The following SFI1 variants were observed in gnomAD, a reference collection of about 807,000 sequenced individuals.
The protein encoded by SFI1 is SFI1 centrin binding protein.
Under a neutral mutation model 207.5 loss-of-function variants are expected in SFI1, and 195 were observed. The observed-to-expected ratio is 0.94, with a 90% CI of 0.84 to 1.06. The LOEUF (loss-of-function observed/expected upper bound fraction) is 1.06. Among genes scored for constraint, SFI1 ranks in the 50% least tolerant of loss-of-function variants. The probability of loss-of-function intolerance (pLI) is 0.00; values close to 1 mark genes in which losing one functional copy is unlikely to be tolerated. For synonymous variants in SFI1, 630 were observed against 598.9 expected, an observed-to-expected ratio of 1.05 and a Z score of -0.76; for missense variants, 1,634 against 1,588.0, an observed-to-expected ratio of 1.03 and a Z score of -0.49.
At chr22:31,585,926 C>T (rs2064974999) in intron 14 of SFI1, among the ~76,000 whole-genome samples, 1 of 152,258 alleles carries the variant, frequency 6.6e-6, no homozygotes, top group South Asian at 2.1e-4. Flanking sequence ...CAGTTATTTT[C>T]GTGCTGCCCA....
chr22:31,593,787 G>A (rs2066559460), intron 15 of SFI1, among the ~76,000 whole-genome samples: 1 of 150,274 alleles, frequency 6.7e-6, no homozygotes, highest in Non-Finnish European at 1.5e-5. Context: ...CGCGGTTAGG[G>A]GCTGGAGACC....
At chr22:31,535,947 A>G (rs992106957) in intron 4 of SFI1, among the ~76,000 whole-genome samples, 3 of 152,066 alleles carry the variant, frequency 2.0e-5, no homozygotes, top group Non-Finnish European at 4.4e-5. Flanking sequence ...GTTAAGTTTT[A>G]CTAATTTCAT....
chr22:31,517,018 C>T (rs1016990787), intron 2 of SFI1, among the ~76,000 whole-genome samples: 5 of 151,636 alleles, frequency 3.3e-5, no homozygotes, highest in African/African-American at 1.2e-4. Flanking sequence ...CCTATAATCC[C>T]AGCTACTTGG....
chr22:31,567,378 G>A (rs1372437329), intron 8 of SFI1, among the ~76,000 whole-genome samples: 1 of 152,154 alleles, frequency 6.6e-6, no homozygotes, highest in African/African-American at 2.4e-5. Flanking sequence ...CAGAACGCAG[G>A]GCCTGGCAGG....
intron 1 of SFI1, among the ~76,000 whole-genome samples, chr22:31,501,399 C>A (rs187125215): frequency 4.6e-5 from 7 of 151,538 alleles, no homozygotes; most frequent in Non-Finnish European, 5.9e-5. Context: ...TCTCGATCTC[C>A]TGACCTCATG....
intron 1 of SFI1, among the ~76,000 whole-genome samples, 192 bp downstream of exon 1, chr22:31,496,829 A>G (rs750101571): frequency 6.6e-6 from 1 of 152,122 alleles, no homozygotes; most frequent in Non-Finnish European, 1.5e-5. Context: ...AAGTGCGACA[A>G]GAGGGCGCAG....
intron 8 of SFI1, among the ~76,000 whole-genome samples, chr22:31,567,773 T>TAA (rs958863012): frequency 6.6e-6 from 1 of 152,014 alleles, no homozygotes; most frequent in African/African-American, 2.4e-5. Flanking sequence ...CAAGAGTAAA[T>TAA]AAAAAAACAA....
At chr22:31,616,661 C>T in intron 29 of SFI1, 84 bp from the exon 30 acceptor site, 1 of 1,425,638 alleles carries the variant, frequency 7.0e-7, no homozygotes, top group Non-Finnish European at 9.4e-7. Flanking sequence ...CCCTGCAGGG[C>T]AGGCAGTGAC....
intron 8 of SFI1, among the ~76,000 whole-genome samples, chr22:31,562,660 G>A (rs2061837810): frequency 6.6e-6 from 1 of 151,740 alleles, no homozygotes; most frequent in Non-Finnish European, 1.5e-5. Context: ...TTGAGACAGA[G>A]TCTCGCTCTG....
At chr22:31,589,607 G>A in intron 15 of SFI1, 30 bp downstream of exon 15, 4 of 1,588,144 alleles carry the variant, frequency 2.5e-6, no homozygotes, top group Non-Finnish European at 3.4e-6. Flanking sequence ...TCTGCACTGG[G>A]GCAGGTGTTT....
chr22:31,583,902 C>A lies in SFI1; in HGVS notation c.1276C>A (p.Arg426=). Residue 426 remains arginine, a synonymous_variant, in exon 13 of 33, where the codon CGG becomes AGG. Coordinates refer to ENST00000400288, the MANE Select transcript of SFI1 (RefSeq NM_001007467.3). ...GCTGCACAGGTTCTGGAACCTCTGGCGGTCTCAGATTGAGCAGAAAAAGGA... is the reference window on the plus strand; with the variant it reads ...GCTGCACAGGTTCTGGAACCTCTGGAGGTCTCAGATTGAGCAGAAAAAGGA... ...TLLHRFWNLW[R]SQIEQKKERE... 2 of 1,614,072 alleles carry A rather than the reference C, an allele frequency of 1.2e-6. No homozygotes were observed. The highest frequency in any genetic ancestry group is 1.7e-6 in the Non-Finnish European group (2 of 1,179,990).
At chr22:31,559,106 CTATT>C (rs1299518955) in intron 7 of SFI1, among the ~76,000 whole-genome samples, 2 of 152,052 alleles carry the variant, frequency 1.3e-5, no homozygotes, top group Non-Finnish European at 2.9e-5. Context: ...CGGGCCCAGC[CTATT>C]TATTGAGGGT....
At chr22:31,524,554 C>G (rs2057675770) in intron 2 of SFI1, among the ~76,000 whole-genome samples, 1 of 151,880 alleles carries the variant, frequency 6.6e-6, no homozygotes, top group South Asian at 2.1e-4. Context: ...TCCGGAGTAG[C>G]TGGGACTACA....
In SFI1 at chr22:31,617,066, A is replaced by G. The variant is rs1002463406; in HGVS notation, c.3500A>G (p.Lys1167Arg). 5 of 1,613,830 alleles carry G rather than the reference A, an allele frequency of 3.1e-6. No homozygotes were observed. In the African/African-American group the frequency reaches 5.3e-5, roughly 17 times the overall value. The change falls in exon 31 of 33, where the codon AAG becomes AGG. Residue 1167 changes from lysine to arginine, a missense_variant. Coordinates refer to ENST00000400288, the MANE Select transcript of SFI1 (RefSeq NM_001007467.3). The stretch of plus-strand genomic sequence containing the variant: ...CAACTACTGCACTACCAGACCACCA[A>G]GCAGAACCTCTGGTGAGCCCTGCGA... ...QQQLLHYQTT[K>R]QNLWSCRRQA...
intron 8 of SFI1, among the ~76,000 whole-genome samples, chr22:31,566,688 A>C (rs2062350646): frequency 6.6e-6 from 1 of 152,232 alleles, no homozygotes; most frequent in African/African-American, 2.4e-5. Flanking sequence ...AGGATGATCC[A>C]GTTATTAATA....
intron 22 of SFI1, among the ~76,000 whole-genome samples, chr22:31,610,347 G>A (rs1355224955): frequency 6.6e-6 from 1 of 152,144 alleles, no homozygotes; most frequent in Non-Finnish European, 1.5e-5. Context: ...TGGGGTTGTC[G>A]TGGAGATCAA....
intron 15 of SFI1, among the ~76,000 whole-genome samples, chr22:31,589,971 G>C (rs2146423812): frequency 6.6e-6 from 1 of 151,444 alleles, no homozygotes. Flanking sequence ...GGAGACTCAG[G>C]AGAGTGGGTA....
Position 31,578,125 on chromosome 22 carries a change from ATCTCAGGTATTTTTTGCG to A in SFI1, c.1085-251_1085-234del. ...TGTTTACTGAAATTGATAGCAGTTT[ATCTCAGGTATTTTTTGCG>A]TCTCATCTCATGGGCATTCAAGGGG... On this transcript the variant is annotated intron_variant, in intron 10 of 32. Coordinates refer to ENST00000400288, the MANE Select transcript of SFI1 (RefSeq NM_001007467.3). 3.0e-5 allele frequency: 9 copies of A among 299,592 alleles called. 2 individuals are homozygous for A. The Admixed American group carries it at 4.5e-4, about 15-fold the overall frequency. 18.6% of individuals were successfully genotyped at this position (299,592 alleles called of 1,614,324 possible).
Position 31,583,932 on chromosome 22 carries a change from G to C in SFI1, c.1306G>C (p.Glu436Gln), listed in dbSNP as rs766724227. The change falls in exon 13 of 33, where the codon GAG becomes CAG. Residue 436 changes from glutamate to glutamine, a missense_variant. Glu to Gln is a conservative substitution (Grantham distance 29). Coordinates refer to ENST00000400288, the MANE Select transcript of SFI1 (RefSeq NM_001007467.3). ...TCAGATTGAGCAGAAAAAGGAAAGA[G>C]AGCTGCTCCCCTTACTGCATGCTGC... ...RSQIEQKKER[E>Q]LLPLLHAAWD... 2 of 1,614,190 alleles carry C rather than the reference G, an allele frequency of 1.2e-6. No individual in the cohort carries two copies. The highest frequency in any genetic ancestry group is 1.7e-6 in the Non-Finnish European group (2 of 1,180,034).
Sources: allele counts gnomAD v4.1 joint callset (sites outside exome capture counted in the v4.1 genomes callset), GRCh38; gene constraint gnomAD v4.1.1; transcripts MANE v1.5; gene names NCBI Gene and HGNC (gene_info 2026-07-23, HGNC 2026-07-21).